The following FAF1 variants were observed in gnomAD, a reference collection of about 807,000 sequenced individuals.
The protein encoded by FAF1 is Fas associated factor 1, also known as FAS-associated factor 1.
FAF1 carries 25 observed loss-of-function variants against 92.5 expected under a neutral mutation model. That is an observed-to-expected ratio of 0.27 (90% confidence interval 0.20 to 0.38). FAF1 has a LOEUF of 0.38. Ranked by LOEUF, FAF1 falls within the 10% of genes least tolerant of loss-of-function variation. The pLI is 1.00. For missense variants in FAF1, 636 were observed against 793.3 expected, an observed-to-expected ratio of 0.80 and a Z score of 2.38; for synonymous variants, 234 against 273.2, an observed-to-expected ratio of 0.86 and a Z score of 1.42.
intron 1 of FAF1, among the ~76,000 whole-genome samples, chr1:50,891,239 G>A (rs1039606414): frequency 2.0e-5 from 3 of 152,002 alleles, no homozygotes; most frequent in Non-Finnish European, 2.9e-5. Context: ...CTCTACATTG[G>A]TTATTCTAGT....
chr1:50,794,624 T>TTTTG (rs1296663500), intron 3 of FAF1, among the ~76,000 whole-genome samples: 1 of 152,046 alleles, frequency 6.6e-6, no homozygotes, highest in African/African-American at 2.4e-5. Context: ...ACATATTTGG[T>TTTTG]TTTGTTTGTT....
intron 13 of FAF1, among the ~76,000 whole-genome samples, chr1:50,542,529 TC>T (rs1008226970): frequency 2.0e-5 from 3 of 152,226 alleles, no homozygotes; most frequent in African/African-American, 7.2e-5. Flanking sequence ...GGTATTTTCT[TC>T]CTTTTGAAGA....
Position 50,779,991 on chromosome 1 carries a change from G to GACACACACAC in FAF1, c.367+7999_367+8008dup, listed in dbSNP as rs57528056. Reference sequence around the variant, plus strand: ...ACAAGCACACATGCACAGACAGACAGACACACACACACACACACACACACA... The same window carrying GACACACACAC: ...ACAAGCACACATGCACAGACAGACAGACACACACACACACACACACACACACACACACACA... On this transcript the variant is annotated intron_variant, in intron 4 of 18. Transcript: ENST00000396153. Among the ~76,000 whole-genome samples, 615 of 145,520 alleles carry GACACACACAC rather than the reference G, an allele frequency of 4.2e-3. 4 individuals carry two copies. Among genetic ancestry groups the GACACACACAC allele is most frequent in the African/African-American group, 0.015 (586 of 39,374 alleles).
chr1:50,510,115 G>A (rs1217262125), intron 15 of FAF1, among the ~76,000 whole-genome samples: 2 of 148,630 alleles, frequency 1.3e-5, no homozygotes, highest in East Asian at 2.0e-4. Context: ...GCAGTGAGCC[G>A]AGATGGCACC....
chr1:50,812,908 T>C (rs1439387202), intron 2 of FAF1, among the ~76,000 whole-genome samples: 2 of 152,132 alleles, frequency 1.3e-5, no homozygotes, highest in Non-Finnish European at 2.9e-5. Context: ...TGAGCAACAA[T>C]ATGTCCTTTG....
chr1:50,578,786 TAAA>T (rs34878122), intron 12 of FAF1, among the ~76,000 whole-genome samples: 13,918 of 152,178 alleles, frequency 0.091, 810 homozygotes, highest in African/African-American at 0.17. Flanking sequence ...CGTACACAGT[TAAA>T]AGAAGATGTA....
chr1:50,441,375 A>G lies in FAF1; in HGVS notation c.*65T>C. Reference sequence around the variant, plus strand: ...CGAGCGTGTGGGTGGGTTGGCGAGGAGCCCTTCTCCTGACGCAGGCTGCTG... The same window carrying G: ...CGAGCGTGTGGGTGGGTTGGCGAGGGGCCCTTCTCCTGACGCAGGCTGCTG... On this transcript the variant is annotated 3_prime_UTR_variant, in exon 19 of 19. Transcript: ENST00000396153. 1 of 1,003,998 alleles carries G rather than the reference A, an allele frequency of 1.0e-6. No individual in the cohort carries two copies. The highest frequency in any genetic ancestry group is 2.8e-5 in the East Asian group (1 of 35,544). 62.2% of individuals were successfully genotyped at this position (1,003,998 alleles called of 1,614,324 possible).
chr1:50,599,792 GCAGA>G (rs1652010385), intron 8 of FAF1, among the ~76,000 whole-genome samples: 1 of 152,120 alleles, frequency 6.6e-6, no homozygotes, highest in Admixed American at 6.5e-5. Context: ...CAAATGATGG[GCAGA>G]CAAACTGTGG....
At chr1:50,706,556 C>A (rs1254778790) in intron 6 of FAF1, among the ~76,000 whole-genome samples, 1 of 151,960 alleles carries the variant, frequency 6.6e-6, no homozygotes, top group African/African-American at 2.4e-5. Flanking sequence ...AAATGTAAGT[C>A]ATGGTTCTAT....
At chr1:50,817,883 T>G (rs1643993471) in intron 2 of FAF1, among the ~76,000 whole-genome samples, 1 of 152,166 alleles carries the variant, frequency 6.6e-6, no homozygotes, top group African/African-American at 2.4e-5. Context: ...TATTTTATCT[T>G]TAATTCACAA....
rs369024705 is a variant in FAF1, at chr1:50,700,152, T to C, written c.657+5634A>G. On this transcript the variant is annotated intron_variant, in intron 7 of 18. Transcript: ENST00000396153. ...CTCTTTTCTCCCTTTCATACCCCCC[T>C]TTTTTTTTTTATTTCTGTTTGCAGT... 1.0e-3 allele frequency among the ~76,000 whole-genome samples: 145 copies of C among 140,512 alleles called. 2 individuals carry two copies. Among genetic ancestry groups the C allele is most frequent in the South Asian group, 5.0e-3 (23 of 4,602 alleles). The allele number at this position is 140,512 out of a possible 152,430, so 92.2% of individuals were successfully genotyped here.
intron 4 of FAF1, among the ~76,000 whole-genome samples, chr1:50,766,522 G>C (rs1189052454): frequency 6.6e-6 from 1 of 152,058 alleles, no homozygotes; most frequent in African/African-American, 2.4e-5. Context: ...CTGCCACCAA[G>C]AGACTGGGAC....
intron 6 of FAF1, among the ~76,000 whole-genome samples, chr1:50,728,982 G>A (rs1557497019): frequency 6.8e-6 from 1 of 146,598 alleles, no homozygotes; most frequent in Non-Finnish European, 1.5e-5. Context: ...TAGTAAGGCT[G>A]AGAGAAGCCA....
intron 6 of FAF1, among the ~76,000 whole-genome samples, chr1:50,725,453 C>G (rs1569841461): frequency 6.6e-6 from 1 of 152,074 alleles, no homozygotes; most frequent in Non-Finnish European, 1.5e-5. Flanking sequence ...AACAAAAAGA[C>G]ATTTAAAAAA....
chr1:50,793,428 G>A (rs1256673035), intron 3 of FAF1, among the ~76,000 whole-genome samples: 1 of 152,198 alleles, frequency 6.6e-6, no homozygotes, highest in Non-Finnish European at 1.5e-5. Context: ...AATTGGAAGT[G>A]AAGTTTTGGC....
At chr1:50,762,755 T>A (rs1415717425) in intron 4 of FAF1, among the ~76,000 whole-genome samples, 1 of 151,758 alleles carries the variant, frequency 6.6e-6, no homozygotes, top group Non-Finnish European at 1.5e-5. Flanking sequence ...AACCTAGGCA[T>A]TACCATTCAG....
chr1:50,823,431 C>G (rs972216074), intron 2 of FAF1, among the ~76,000 whole-genome samples: 1 of 152,090 alleles, frequency 6.6e-6, no homozygotes, highest in Admixed American at 6.5e-5. Flanking sequence ...AAAATATCTA[C>G]AATATTAAGC....
chr1:50,925,433 A>G (rs539268318), intron 1 of FAF1, among the ~76,000 whole-genome samples: 1 of 152,248 alleles, frequency 6.6e-6, no homozygotes, highest in African/African-American at 2.4e-5. Flanking sequence ...ACTAACAACC[A>G]GAATATACAA....
intron 2 of FAF1, among the ~76,000 whole-genome samples, chr1:50,809,921 A>G (rs988203550): frequency 1.3e-5 from 2 of 152,254 alleles, no homozygotes; most frequent in Non-Finnish European, 2.9e-5. Flanking sequence ...CTAATGCTTT[A>G]TGATCAAGTG....
Sources: allele counts gnomAD v4.1 joint callset (sites outside exome capture counted in the v4.1 genomes callset), GRCh38; gene constraint gnomAD v4.1.1; transcripts MANE v1.5; gene names NCBI Gene and HGNC (gene_info 2026-07-23, HGNC 2026-07-21).